The following TESK2 variants were observed in gnomAD, a reference collection of about 807,000 sequenced individuals.
TESK2 encodes testis associated actin remodelling kinase 2, also known as dual specificity testis-specific protein kinase 2.
In TESK2, 39 loss-of-function variants were observed where a neutral mutation model predicts 57.1. The observed-to-expected ratio is 0.68, with a 90% CI of 0.53 to 0.89. TESK2 has a LOEUF of 0.89. TESK2 is among the 40% of genes least tolerant of loss of function. The pLI, the probability that TESK2 is intolerant of heterozygous loss-of-function variation, is 0.00. For missense variants in TESK2, 646 were observed against 732.1 expected (o/e 0.88, Z 1.36); for synonymous variants, 249 against 267.9 (o/e 0.93, Z 0.69).
At position 45,400,331 on chromosome 1, in the gene TESK2, G is replaced by A. The variant is rs566849790; in HGVS notation, c.345-14371C>T. Among the ~76,000 whole-genome samples, 7 of 152,342 alleles carry A rather than the reference G, an allele frequency of 4.6e-5. No homozygotes were observed. The South Asian group carries it at 1.5e-3, about 32-fold the overall frequency. ...AATGGATTCTCCTCTAGAGCCTCCA[G>A]AGAGGAATGCAGCCCTGCTGATACC... is the stretch of plus-strand genomic sequence containing the variant. On this transcript the variant is annotated intron_variant, in intron 3 of 10. Transcript: ENST00000372086.
chr1:45,385,710 GTA>G (rs754585734), intron 4 of TESK2, among the ~76,000 whole-genome samples, 200 bp downstream of exon 4: 3,079 of 135,062 alleles, frequency 0.023, 149 homozygotes, highest in African/African-American at 0.081. Flanking sequence ...GTGTGTGTGT[GTA>G]TATATATATA....
chr1:45,383,271 A>T (rs1263574312), intron 4 of TESK2, among the ~76,000 whole-genome samples: 1 of 152,202 alleles, frequency 6.6e-6, no homozygotes, highest in Non-Finnish European at 1.5e-5. Flanking sequence ...TGCCAAGTCA[A>T]ATTATAAGGC....
chr1:45,483,696 G>A (rs1332418030), intron 1 of TESK2, among the ~76,000 whole-genome samples: 1 of 151,988 alleles, frequency 6.6e-6, no homozygotes, highest in Non-Finnish European at 1.5e-5. Context: ...GCGGAGGGGG[G>A]GTCAAAAATT....
intron 2 of TESK2, among the ~76,000 whole-genome samples, chr1:45,451,477 C>T (rs1651866645): frequency 6.6e-6 from 1 of 152,112 alleles, no homozygotes; most frequent in African/African-American, 2.4e-5. Context: ...ATTTGGGAAG[C>T]CTGAGGGAGG....
In TESK2 at chr1:45,345,975, G is replaced by C; in HGVS notation, c.899C>G (p.Pro300Arg). 1 of 1,614,092 alleles carries C rather than the reference G, an allele frequency of 6.2e-7. No individual in the cohort carries two copies. ...GGTCTTCCCAATCTCCACAAAAGAT[G>C]GGCGCAGTTTGGGATCCATCTGTAG... ...NCCNMDPKLRPSFVEIGKTLE... is the reference protein window; with the variant it reads ...NCCNMDPKLRRSFVEIGKTLE... Residue 300 changes from proline (P) to arginine (R), a missense_variant, in exon 10 of 11, where the codon CCA (proline) becomes CGA (arginine). Pro to Arg is a moderately radical substitution (Grantham distance 103, BLOSUM62 -2). Coordinates refer to ENST00000372086, the MANE Select transcript of TESK2 (RefSeq NM_007170.3).
chr1:45,345,584 C>T (rs778756824), intron 10 of TESK2, 26 bp from the exon 11 acceptor site: 28 of 1,580,550 alleles, frequency 1.8e-5, no homozygotes, highest in African/African-American at 2.7e-5. Flanking sequence ...GTCTGGGTTA[C>T]TCTCACTAGT....
At chr1:45,489,558 G>A (rs967220900) in intron 1 of TESK2, among the ~76,000 whole-genome samples, 2 of 152,348 alleles carry the variant, frequency 1.3e-5, no homozygotes, top group South Asian at 4.1e-4. Context: ...GGGAGGCCGA[G>A]GTGGGCGGAT....
At chr1:45,385,710 G>GTGTGTATATATATATATATATATA (rs947905047) in intron 4 of TESK2, among the ~76,000 whole-genome samples, 4 of 135,280 alleles carry the variant, frequency 3.0e-5, no homozygotes, top group African/African-American at 1.2e-4. Context: ...GTGTGTGTGT[G>GTGTGTATATATATATATATATATA]TATATATATA....
chr1:45,382,601 T>G (rs1570671224), intron 4 of TESK2, among the ~76,000 whole-genome samples: 1 of 152,174 alleles, frequency 6.6e-6, no homozygotes, highest in Non-Finnish European at 1.5e-5. Context: ...CCGGGCGCGG[T>G]GGCTCACACC....
intron 2 of TESK2, among the ~76,000 whole-genome samples, chr1:45,449,748 A>G (rs1271357439): frequency 6.6e-6 from 1 of 152,208 alleles, no homozygotes; most frequent in African/African-American, 2.4e-5. Flanking sequence ...AAGTGTTAGA[A>G]ATGATGAAAT....
chr1:45,437,082 G>A (rs767407150), intron 2 of TESK2, among the ~76,000 whole-genome samples: 4 of 152,198 alleles, frequency 2.6e-5, no homozygotes, highest in Admixed American at 1.3e-4. Context: ...GGAGTGAGCC[G>A]CTGCGCCTGA....
chr1:45,427,433 G>A (rs972500676), intron 2 of TESK2, among the ~76,000 whole-genome samples: 13 of 151,990 alleles, frequency 8.6e-5, no homozygotes, highest in South Asian at 6.2e-4. Flanking sequence ...AAGGGAAATC[G>A]GTATGTCAAA....
At chr1:45,490,368 G>A (rs991511633) in intron 1 of TESK2, among the ~76,000 whole-genome samples, 2 of 152,180 alleles carry the variant, frequency 1.3e-5, no homozygotes, top group Admixed American at 1.3e-4. Context: ...TGACAAGCGA[G>A]GAAAGAAGAG....
At chr1:45,450,777 A>T (rs12047702) in intron 2 of TESK2, among the ~76,000 whole-genome samples, 13 of 146,684 alleles carry the variant, frequency 8.9e-5, no homozygotes, top group Non-Finnish European at 1.2e-4. Context: ...CTTTTTTTTT[A>T]AATTTTATTA....
At chr1:45,368,127 TG>T (rs2149269152) in intron 4 of TESK2, among the ~76,000 whole-genome samples, 1 of 151,080 alleles carries the variant, frequency 6.6e-6, no homozygotes, top group East Asian at 2.0e-4. Context: ...CCCGAGTAGC[TG>T]GGATTACAGG....
intron 4 of TESK2, among the ~76,000 whole-genome samples, chr1:45,367,006 T>C (rs1199391471): frequency 6.6e-6 from 1 of 152,032 alleles, no homozygotes; most frequent in Non-Finnish European, 1.5e-5. Context: ...TAGTGGTGCA[T>C]GCCTGTAGTC....
At chr1:45,465,859 A>T (rs563765045) in intron 1 of TESK2, among the ~76,000 whole-genome samples, 7 of 152,328 alleles carry the variant, frequency 4.6e-5, no homozygotes, top group Admixed American at 1.3e-4. Flanking sequence ...ACTTAGATGA[A>T]CAAATTATAA....
chr1:45,461,551 G>A (rs549971919), intron 1 of TESK2, among the ~76,000 whole-genome samples: 38 of 152,256 alleles, frequency 2.5e-4, no homozygotes, highest in Non-Finnish European at 5.0e-4. Context: ...TTTCCACTAT[G>A]AGAGCTGTAG....
intron 4 of TESK2, among the ~76,000 whole-genome samples, chr1:45,366,087 G>C (rs1258747301): frequency 1.3e-5 from 2 of 151,718 alleles, no homozygotes; most frequent in Admixed American, 1.3e-4. Flanking sequence ...GGGATTACAA[G>C]CATGAACCAC....
Sources: allele counts gnomAD v4.1 joint callset (sites outside exome capture counted in the v4.1 genomes callset), GRCh38; gene constraint gnomAD v4.1.1; transcripts MANE v1.5; gene names NCBI Gene and HGNC (gene_info 2026-07-23, HGNC 2026-07-21).